Variants in ACTR3C observed in about 807,000 individuals in gnomAD.
The protein encoded by ACTR3C is actin related protein 3C.
In ACTR3C, 18 loss-of-function variants were observed where a neutral mutation model predicts 26.3. The observed-to-expected ratio is 0.68, with a 90% CI of 0.47 to 1.01. The LOEUF (loss-of-function observed/expected upper bound fraction) is 1.01, where lower values mean the gene tolerates loss of function less well. Ranked by LOEUF, ACTR3C falls within the 50% of genes least tolerant of loss-of-function variation. The probability of loss-of-function intolerance (pLI) is 0.00; values close to 1 mark genes in which losing one functional copy is unlikely to be tolerated. For missense variants in ACTR3C, 184 were observed against 250.7 expected, an observed-to-expected ratio of 0.73 and a Z score of 1.80; for synonymous variants, 55 against 94.5, an observed-to-expected ratio of 0.58 and a Z score of 2.42.
At chr7:149,959,662 G>A in the ACTR3C span, among the ~76,000 whole-genome samples, 3 of 152,174 alleles carry the variant, frequency 2.0e-5, no homozygotes, top group Non-Finnish European at 4.4e-5. Flanking sequence ...CATGCCAGAG[G>A]CAGATGTGGC....
At chr7:150,138,941 T>C in the ACTR3C span, among the ~76,000 whole-genome samples, 2 of 152,306 alleles carry the variant, frequency 1.3e-5, no homozygotes, top group South Asian at 4.1e-4. Flanking sequence ...CAATGCCTGA[T>C]GATCTGTCAC....
At chr7:149,943,079 C>T in the ACTR3C span, among the ~76,000 whole-genome samples, 10 of 152,108 alleles carry the variant, frequency 6.6e-5, no homozygotes, top group Admixed American at 1.3e-4. Flanking sequence ...TACACAATGG[C>T]GGGAGTCAGC....
At chr7:150,251,204 A>G (rs977621884) in intron 6 of ACTR3C, among the ~76,000 whole-genome samples, 37 of 152,184 alleles carry the variant, frequency 2.4e-4, no homozygotes, top group African/African-American at 7.7e-4. Flanking sequence ...TTCTAATTCA[A>G]TGGTCGTTTA....
chr7:149,886,355 T>C, the ACTR3C span, among the ~76,000 whole-genome samples: 1 of 152,234 alleles, frequency 6.6e-6, no homozygotes, highest in Non-Finnish European at 1.5e-5. Flanking sequence ...CTTTAATGTA[T>C]AAATGTAGCA....
the ACTR3C span, among the ~76,000 whole-genome samples, chr7:150,238,261 C>A: frequency 7.5e-6 from 1 of 133,102 alleles, no homozygotes; most frequent in South Asian, 2.4e-4. Flanking sequence ...GAGATCCAGG[C>A]AGCAGTAGGA....
the ACTR3C span, among the ~76,000 whole-genome samples, chr7:149,969,300 T>C: frequency 1.8e-5 from 1 of 55,520 alleles, no homozygotes; most frequent in Non-Finnish European, 5.6e-5. Flanking sequence ...TGTGTGTGTG[T>C]GTGTGTGTGT....
chr7:150,289,449 C>A lies in ACTR3C; in HGVS notation c.297+1G>T, dbSNP rs1415297996. On this transcript the variant is annotated splice_donor_variant, in intron 4 of 7. Coordinates refer to ENST00000683684, the MANE Select transcript of ACTR3C (RefSeq NM_001164458.2). LOFTEE classifies it high-confidence loss of function. ...CCAGCCGGTTTCCCATCTGTTTTTA[C>A]CTTAATGGCTTTTGCGGTCTCCAGT... 1 of 1,576,730 alleles carries A rather than the reference C, an allele frequency of 6.3e-7. No homozygotes were observed. Among genetic ancestry groups the A allele is most frequent in the East Asian group, 2.3e-5 (1 of 43,258 alleles).
chr7:150,021,051 C>T, the ACTR3C span, among the ~76,000 whole-genome samples: 7 of 152,028 alleles, frequency 4.6e-5, no homozygotes, highest in African/African-American at 1.7e-4. Context: ...GAACTCCTGA[C>T]CTCAGGCGAT....
chr7:150,204,647 C>T, the ACTR3C span, among the ~76,000 whole-genome samples: 4 of 152,206 alleles, frequency 2.6e-5, no homozygotes, highest in African/African-American at 9.7e-5. Context: ...TCCCCCTGAA[C>T]CCAACCTTGG....
At chr7:150,153,198 C>A in the ACTR3C span, among the ~76,000 whole-genome samples, 1 of 152,258 alleles carries the variant, frequency 6.6e-6, no homozygotes, top group East Asian at 1.9e-4. Flanking sequence ...AAAGCAATGG[C>A]AACAAAAGCC....
the ACTR3C span, among the ~76,000 whole-genome samples, chr7:150,154,414 A>T: frequency 6.6e-6 from 1 of 151,804 alleles, no homozygotes; most frequent in African/African-American, 2.4e-5. Context: ...CTTGAGATGC[A>T]CTGTAGGCTG....
the ACTR3C span, among the ~76,000 whole-genome samples, chr7:150,014,531 T>C: frequency 3.3e-4 from 50 of 152,142 alleles, no homozygotes; most frequent in Middle Eastern, 0.01. Context: ...CTCTGTCCTT[T>C]AATACTCCTC....
At chr7:150,110,368 A>G in the ACTR3C span, among the ~76,000 whole-genome samples, 4 of 149,782 alleles carry the variant, frequency 2.7e-5, no homozygotes, top group African/African-American at 9.9e-5. Flanking sequence ...CCTGGTAGTC[A>G]GGGGCAAGAC....
At chr7:150,304,538 G>T (rs1040188845) in intron 1 of ACTR3C, among the ~76,000 whole-genome samples, 2 of 152,036 alleles carry the variant, frequency 1.3e-5, no homozygotes, top group African/African-American at 4.8e-5. Context: ...GCTGCTCCTC[G>T]GCTTCTTTAC....
chr7:150,066,640 T>G, the ACTR3C span, among the ~76,000 whole-genome samples: 34 of 152,204 alleles, frequency 2.2e-4, 2 homozygotes, highest in Admixed American at 2.2e-3. Flanking sequence ...ATTACTAGAA[T>G]AGTGGCATTC....
chr7:150,180,058 C>T, the ACTR3C span, among the ~76,000 whole-genome samples: 2 of 151,054 alleles, frequency 1.3e-5, no homozygotes, highest in Non-Finnish European at 2.9e-5. Context: ...GTAATCCCAG[C>T]ACTTTGGGAG....
the ACTR3C span, among the ~76,000 whole-genome samples, chr7:149,919,853 CA>C: frequency 0.54 from 72,433 of 133,754 alleles, 16,430 homozygotes; most frequent in South Asian, 0.66. Context: ...TTATCAATTT[CA>C]AAAAAATGAA....
the ACTR3C span, among the ~76,000 whole-genome samples, chr7:150,199,056 T>A: frequency 6.8e-6 from 1 of 146,066 alleles, no homozygotes; most frequent in Non-Finnish European, 1.5e-5. Flanking sequence ...CCGCCCCTAC[T>A]GGGAAGTGAG....
the ACTR3C span, among the ~76,000 whole-genome samples, chr7:150,175,511 T>C: frequency 6.7e-6 from 1 of 149,794 alleles, no homozygotes; most frequent in African/African-American, 2.6e-5. Context: ...TTATTATATA[T>C]AGCATTGAAA....
Sources: gnomAD v4.1 joint callset for allele counts (sites outside exome capture counted in the v4.1 genomes callset) on GRCh38, gnomAD v4.1.1 for gene constraint, MANE v1.5 for transcripts, NCBI Gene and HGNC (gene_info 2026-07-23, HGNC 2026-07-21) for gene names.